CPXM2: variants seen among roughly 807,000 people sequenced by gnomAD.
CPXM2 encodes carboxypeptidase X, M14 family member 2.
Under a neutral mutation model 86.1 loss-of-function variants are expected in CPXM2, and 66 were observed. The ratio of observed to expected loss-of-function variants is 0.77; its 90% CI spans 0.63 to 0.94. The LOEUF is 0.94. Among genes scored for constraint, CPXM2 ranks in the 40% least tolerant of loss-of-function variants. The probability of loss-of-function intolerance (pLI) is 0.00; values close to 1 mark genes in which losing one functional copy is unlikely to be tolerated. For synonymous variants in CPXM2, 388 were observed against 400.2 expected (o/e 0.97, Z 0.36); for missense variants, 948 against 1,026.3 (o/e 0.92, Z 1.04).
In CPXM2 at chr10:123,865,521, A is replaced by C. The variant is rs534364210; in HGVS notation, c.404-2798T>G. The stretch of plus-strand genomic sequence containing the variant: ...GGTGGAAAGGCACAGAGCTCCCGTC[A>C]TCTAGGAAGCAGAACAGTGGATTCC... On this transcript the variant is annotated intron_variant, in intron 2 of 13. Coordinates refer to ENST00000241305, the MANE Select transcript of CPXM2 (RefSeq NM_198148.3). The surrounding 1 kb of genome is among the most constrained non-coding windows in gnomAD (Gnocchi z 4.7). Among the ~76,000 whole-genome samples, 59 of 152,294 alleles carry C rather than the reference A, an allele frequency of 3.9e-4. No individual in the cohort carries two copies. The highest frequency in any genetic ancestry group is 1.2e-3 in the African/African-American group (50 of 41,564).
chr10:123,764,521 C>G lies in CPXM2; in HGVS notation c.1480-2352G>C, dbSNP rs756333781. On this transcript the variant is annotated intron_variant, in intron 10 of 13. Transcript: ENST00000241305. ...TTTTTTTTTGAGACAGGGTCTCACT[C>G]TGTTGCCCAGGGTGGAGTGCAGTGG... 2.0e-5 allele frequency among the ~76,000 whole-genome samples: 3 copies of G among 152,024 alleles called. 1 individual carries two copies. The highest frequency in any genetic ancestry group is 4.4e-5 in the Non-Finnish European group (3 of 68,010).
chr10:123,774,960 C>T (rs1165669312), intron 7 of CPXM2, among the ~76,000 whole-genome samples: 1 of 152,202 alleles, frequency 6.6e-6, no homozygotes, highest in African/African-American at 2.4e-5. Context: ...TTCCATTTCT[C>T]TACTAAGTCT....
chr10:123,761,784 G>T (rs1014928363), intron 11 of CPXM2, 88 bp downstream of exon 11: 2 of 1,332,048 alleles, frequency 1.5e-6, no homozygotes, highest in South Asian at 2.5e-5. Context: ...GTGACAACAG[G>T]ACAGTAGTGA....
intron 7 of CPXM2, among the ~76,000 whole-genome samples, chr10:123,774,122 C>T (rs1043250743): frequency 6.6e-6 from 1 of 152,236 alleles, no homozygotes; most frequent in African/African-American, 2.4e-5. Context: ...GGGACAATTT[C>T]ATGACAGTGT....
At chr10:123,833,835 G>A (rs2134137330) in intron 4 of CPXM2, among the ~76,000 whole-genome samples, 1 of 152,326 alleles carries the variant, frequency 6.6e-6, no homozygotes, top group East Asian at 1.9e-4. Flanking sequence ...AGAGGAATGG[G>A]GTAGGGGCAG....
At chr10:123,823,937 T>C (rs557454790) in intron 4 of CPXM2, among the ~76,000 whole-genome samples, 1 of 152,184 alleles carries the variant, frequency 6.6e-6, no homozygotes, top group African/African-American at 2.4e-5. Context: ...AAAAGTAGCA[T>C]TATTTGGCCT....
At position 123,885,299 on chromosome 10, in the gene CPXM2, G is replaced by A. The variant is rs144856988; in HGVS notation, c.305-4990C>T. On this transcript the variant is annotated intron_variant, in intron 1 of 13. Transcript: ENST00000241305. The surrounding 1 kb of genome is among the most constrained non-coding windows in gnomAD (Gnocchi z 4.0). The stretch of plus-strand genomic sequence containing the variant: ...GGCTGGGAGGCTGGGAGGCTGGAAG[G>A]CTGGGCATTGACCCCTCCAATCGTA... 6.6e-6 allele frequency among the ~76,000 whole-genome samples: 1 copy of A among 152,244 alleles called. No homozygotes were observed. Among genetic ancestry groups the A allele is most frequent in the South Asian group, 2.1e-4 (1 of 4,820 alleles).
chr10:123,789,656 T>C (rs1431804922), intron 6 of CPXM2, among the ~76,000 whole-genome samples: 1 of 152,190 alleles, frequency 6.6e-6, no homozygotes, highest in Non-Finnish European at 1.5e-5. Flanking sequence ...GCAATTTTCC[T>C]TCTATAGAAG....
At chr10:123,773,429 T>G (rs1305642459) in intron 7 of CPXM2, among the ~76,000 whole-genome samples, 3 of 152,246 alleles carry the variant, frequency 2.0e-5, no homozygotes, top group African/African-American at 7.2e-5. Flanking sequence ...CTCACCTCCC[T>G]CTGTGGTGGT....
chr10:123,935,757 A>G (rs2134290577), intron 2 of CPXM2, among the ~76,000 whole-genome samples: 1 of 152,214 alleles, frequency 6.6e-6, no homozygotes, highest in East Asian at 1.9e-4. Flanking sequence ...CATCATCATC[A>G]CCATCACCAT....
chr10:123,876,117 GATC>G (rs1460871700), intron 2 of CPXM2, among the ~76,000 whole-genome samples: 18 of 152,136 alleles, frequency 1.2e-4, no homozygotes, highest in Non-Finnish European at 2.2e-4. Flanking sequence ...GCACCCGGCT[GATC>G]ATGTTTCTTT....
chr10:123,841,967 A>G (rs1032172778), intron 4 of CPXM2, among the ~76,000 whole-genome samples: 1 of 152,044 alleles, frequency 6.6e-6, no homozygotes, highest in African/African-American at 2.4e-5. Flanking sequence ...CATGCCCTCT[A>G]CCCCAGAACT....
intron 4 of CPXM2, among the ~76,000 whole-genome samples, chr10:123,822,056 T>C (rs766358858): frequency 1.3e-5 from 2 of 152,202 alleles, no homozygotes; most frequent in Non-Finnish European, 2.9e-5. Context: ...GCAGGAAGGA[T>C]TCAGAACCAG....
rs541685658 is a variant in CPXM2 at position 123,938,753 on chromosome 10, G to C, written n.174+724C>G. On this transcript the variant is annotated intron_variant and non_coding_transcript_variant, in intron 2 of 19. Transcript: ENST00000368854. ...CTCAGGGCCACCCGTATACGCTCTG[G>C]TCTATGGTGAGCCAGTAGAAAGAGA... 3.9e-5 allele frequency among the ~76,000 whole-genome samples: 6 copies of C among 152,318 alleles called. No homozygotes were observed. In the East Asian group the frequency reaches 1.2e-3, roughly 29 times the overall value.
chr10:123,935,456 C>T (rs1022954733), intron 2 of CPXM2, among the ~76,000 whole-genome samples: 2 of 152,164 alleles, frequency 1.3e-5, no homozygotes, highest in Non-Finnish European at 2.9e-5. Flanking sequence ...GAAACCATAC[C>T]TTGGATGATG....
At chr10:123,810,515 A>C (rs1289120845) in intron 4 of CPXM2, among the ~76,000 whole-genome samples, 1 of 152,158 alleles carries the variant, frequency 6.6e-6, no homozygotes, top group African/African-American at 2.4e-5. Context: ...TTTCTAAAAT[A>C]GAATTAATAA....
intron 4 of CPXM2, among the ~76,000 whole-genome samples, chr10:123,802,230 C>T (rs190988982): frequency 6.6e-5 from 10 of 152,318 alleles, no homozygotes; most frequent in Admixed American, 3.3e-4. Context: ...GTCAAAGTAC[C>T]TGAAGACCAA....
intron 2 of CPXM2, 66 bp downstream of exon 2, chr10:123,880,145 T>TTGGGGGCCCCCCCCC: frequency 1.2e-5 from 5 of 407,580 alleles, no homozygotes; most frequent in Non-Finnish European, 1.9e-5. Flanking sequence ...CAGGGGCCTG[T>TTGGGGGCCCCCCCCC]ACCCACCCAC....
Position 123,799,255 on chromosome 10 carries a change from A to G in CPXM2, c.654-56T>C, listed in dbSNP as rs1312234160. 1.9e-6 allele frequency: 3 copies of G among 1,604,686 alleles called. No individual in the cohort carries two copies. In the Admixed American group the frequency reaches 5.0e-5, roughly 27 times the overall value. ...CACACTTTAAAATGTTTGTTCTTCC[A>G]TGAAGAGGTTTAGAAGTGAGGAGAG... On this transcript the variant is annotated intron_variant, in intron 4 of 13. Transcript: ENST00000241305.
Sources: allele counts gnomAD v4.1 joint callset (sites outside exome capture counted in the v4.1 genomes callset), GRCh38; gene constraint gnomAD v4.1.1; non-coding constraint Gnocchi (gnomAD v3.1); transcripts MANE v1.5; gene names NCBI Gene and HGNC (gene_info 2026-07-23, HGNC 2026-07-21).